The following OPCML variants were observed in gnomAD, a reference collection of about 807,000 sequenced individuals.
OPCML encodes opioid-binding protein/cell adhesion molecule.
In OPCML, 13 loss-of-function variants were observed where a neutral mutation model predicts 37.8. The ratio of observed to expected loss-of-function variants is 0.34; its 90% confidence interval spans 0.22 to 0.55. OPCML has a LOEUF of 0.55. Among genes scored for constraint, OPCML ranks in the 20% least tolerant of loss-of-function variants. The pLI is 0.91. For synonymous variants in OPCML, 176 were observed against 168.8 expected, an observed-to-expected ratio of 1.04 and a Z score of -0.33; for missense variants, 341 against 435.6, an observed-to-expected ratio of 0.78 and a Z score of 1.93.
At chr11:133,328,480 A>G (rs970543398) in intron 1 of OPCML, among the ~76,000 whole-genome samples, 1 of 152,182 alleles carries the variant, frequency 6.6e-6, no homozygotes, top group African/African-American at 2.4e-5. Flanking sequence ...TGATATAATC[A>G]GAGTAAAATG....
intron 1 of OPCML, chr11:133,360,730 T>TC (rs1944394642): frequency 6.6e-6 from 1 of 152,172 alleles, no homozygotes; most frequent in African/African-American, 2.4e-5. Context: ...GCGTTGACCT[T>TC]CCCCACGGCC....
intron 2 of OPCML, among the ~76,000 whole-genome samples, chr11:132,919,775 C>T (rs774515563): frequency 1.1e-4 from 16 of 152,268 alleles, no homozygotes; most frequent in East Asian, 3.9e-4. Flanking sequence ...TTCATCTCCA[C>T]CCACAGTGCC....
chr11:132,665,348 G>A (rs1221290751), intron 2 of OPCML, among the ~76,000 whole-genome samples: 2 of 152,180 alleles, frequency 1.3e-5, no homozygotes, highest in African/African-American at 2.4e-5. Flanking sequence ...ACGCAAACAA[G>A]GGGAATCTCT....
At chr11:133,094,529 T>A (rs1948967301) in intron 1 of OPCML, among the ~76,000 whole-genome samples, 1 of 152,208 alleles carries the variant, frequency 6.6e-6, no homozygotes, top group African/African-American at 2.4e-5. Context: ...ATGGTATTAC[T>A]GATGTTTTTA....
intron 3 of OPCML, among the ~76,000 whole-genome samples, chr11:132,623,731 A>G (rs1212788491): frequency 6.6e-6 from 1 of 152,214 alleles, no homozygotes; most frequent in Non-Finnish European, 1.5e-5. Flanking sequence ...CACAGGGTCA[A>G]TTTGGACAGC....
intron 1 of OPCML, chr11:133,420,258 C>T: frequency 1.0e-6 from 1 of 985,356 alleles, no homozygotes; most frequent in South Asian, 4.7e-5. Flanking sequence ...CAATACTGAT[C>T]ACAGATCCAA....
At chr11:133,228,648 C>T (rs937477449) in intron 1 of OPCML, among the ~76,000 whole-genome samples, 4 of 152,250 alleles carry the variant, frequency 2.6e-5, no homozygotes, top group African/African-American at 9.6e-5. Context: ...GCTTGGGCTG[C>T]CCCTCCTACT....
chr11:132,665,896 G>T (rs1942195341), intron 2 of OPCML, among the ~76,000 whole-genome samples: 1 of 152,068 alleles, frequency 6.6e-6, no homozygotes. Context: ...TATTACAAAG[G>T]CACCCTATCA....
At chr11:132,574,455 C>T (rs1278639639) in intron 3 of OPCML, among the ~76,000 whole-genome samples, 17 of 151,306 alleles carry the variant, frequency 1.1e-4, no homozygotes, top group Admixed American at 1.1e-3. Context: ...TTTTGTATAT[C>T]GTATCTTTGT....
At chr11:132,679,664 A>G (rs757942687) in intron 2 of OPCML, among the ~76,000 whole-genome samples, 4 of 152,196 alleles carry the variant, frequency 2.6e-5, no homozygotes, top group Non-Finnish European at 5.9e-5. Context: ...ATTGTTCTAA[A>G]ACTGATTGTG....
intron 1 of OPCML, among the ~76,000 whole-genome samples, chr11:133,445,273 A>ATATCCATGGTGATCCTGGATGGTGG (rs1946451017): frequency 6.6e-6 from 1 of 152,184 alleles, no homozygotes; most frequent in African/African-American, 2.4e-5. Flanking sequence ...ACCACAGACC[A>ATATCCATGGTGATCCTGGATGGTGG]ATTTCCTCTC....
intron 1 of OPCML, among the ~76,000 whole-genome samples, chr11:133,167,152 C>T (rs576790107): frequency 1.3e-5 from 2 of 152,106 alleles, no homozygotes; most frequent in African/African-American, 2.4e-5. Flanking sequence ...AGTTGGTGGC[C>T]GGCGCTGGAA....
At chr11:133,379,425 G>A (rs116465449) in intron 1 of OPCML, among the ~76,000 whole-genome samples, 219 of 152,278 alleles carry the variant, frequency 1.4e-3, no homozygotes, top group African/African-American at 5.0e-3. Context: ...TCATTTATTT[G>A]TGTGCTCATC....
rs1938268789 is a variant in OPCML at position 132,606,012 on chromosome 11, T to G, written c.379+51075A>C. On this transcript the variant is annotated intron_variant, in intron 3 of 7. Coordinates refer to ENST00000524381, the MANE Select transcript of OPCML (RefSeq NM_001012393.5). ...ATACTTTTGAGTTACCCTTGGCACCTGTAAGCAGATATTTTCTGGTACTTG... is the reference window on the plus strand; with the variant it reads ...ATACTTTTGAGTTACCCTTGGCACCGGTAAGCAGATATTTTCTGGTACTTG... Among the ~76,000 whole-genome samples the G allele has an allele frequency of 2.0e-5, 3 of 152,206 alleles. No individual in the cohort carries two copies. The South Asian group carries it at 6.2e-4, about 31-fold the overall frequency.
chr11:132,744,761 G>A (rs1418274059), intron 2 of OPCML, among the ~76,000 whole-genome samples: 8 of 152,206 alleles, frequency 5.3e-5, no homozygotes, highest in Non-Finnish European at 2.9e-5. Context: ...CAGTACAAAG[G>A]GAGCAAATAA....
chr11:133,422,733 C>G, intron 1 of OPCML: 1 of 974,096 alleles, frequency 1.0e-6, no homozygotes. Flanking sequence ...TATTTCCAGT[C>G]TGTGTAACAT....
intron 2 of OPCML, among the ~76,000 whole-genome samples, chr11:132,718,634 G>A (rs1371541246): frequency 6.6e-6 from 1 of 152,108 alleles, no homozygotes; most frequent in Non-Finnish European, 1.5e-5. Context: ...TGTGGCTAGG[G>A]TAGCTACACC....
At chr11:133,290,425 A>G (rs1472719572) in intron 1 of OPCML, among the ~76,000 whole-genome samples, 1 of 152,176 alleles carries the variant, frequency 6.6e-6, no homozygotes, top group Non-Finnish European at 1.5e-5. Context: ...CAAAACTCCA[A>G]GAGGTAATTT....
chr11:132,709,238 C>T (rs1242426949), intron 2 of OPCML, among the ~76,000 whole-genome samples: 1 of 152,150 alleles, frequency 6.6e-6, no homozygotes. Context: ...GTCTTTCAAG[C>T]AGGCATTTTT....
Sources: gnomAD v4.1 joint callset for allele counts (sites outside exome capture counted in the v4.1 genomes callset) on GRCh38, gnomAD v4.1.1 for gene constraint, MANE v1.5 for transcripts, NCBI Gene and HGNC (gene_info 2026-07-23, HGNC 2026-07-21) for gene names.